Variants in CSMD1 observed in about 807,000 individuals in gnomAD.
The protein encoded by CSMD1 is CUB and Sushi multiple domains 1, also known as CUB and sushi domain-containing protein 1.
In CSMD1, 213 loss-of-function variants were observed where a neutral mutation model predicts 417.5. The observed-to-expected ratio is 0.51, with a 90% CI of 0.46 to 0.57. CSMD1 has a LOEUF of 0.57. Among genes scored for constraint, CSMD1 ranks in the 20% least tolerant of loss-of-function variants. The pLI, the probability that CSMD1 is intolerant of heterozygous loss-of-function variation, is 0.00. For synonymous variants in CSMD1, 2,862 were observed against 1,736.8 expected (o/e 1.65, Z -16.11); for missense variants, 6,923 against 4,529.7 (o/e 1.53, Z -15.17).
At chr8:3,581,847 C>T (rs1800396197) in intron 9 of CSMD1, among the ~76,000 whole-genome samples, 1 of 152,080 alleles carries the variant, frequency 6.6e-6, no homozygotes, top group Admixed American at 6.6e-5. Flanking sequence ...TCTTGTCACC[C>T]AGGCTGGAGT....
chr8:3,131,436 A>AT (rs1817787388), intron 41 of CSMD1, among the ~76,000 whole-genome samples: 1 of 151,980 alleles, frequency 6.6e-6, no homozygotes, highest in East Asian at 1.9e-4. Context: ...ATTATCTATG[A>AT]TTTGGTGACA....
intron 68 of CSMD1, among the ~76,000 whole-genome samples, chr8:2,948,248 C>T (rs1410534448): frequency 1.3e-5 from 2 of 151,972 alleles, no homozygotes; most frequent in African/African-American, 4.8e-5. Flanking sequence ...GCAATGCTTA[C>T]GTGGCCTCTC....
chr8:3,598,981 TGA>T (rs1195610137), intron 8 of CSMD1, among the ~76,000 whole-genome samples: 1 of 152,008 alleles, frequency 6.6e-6, no homozygotes, highest in African/African-American at 2.4e-5. Context: ...CTCAGGAGGC[TGA>T]GAGAGGAGAA....
At chr8:4,722,514 A>T (rs574266769) in intron 1 of CSMD1, among the ~76,000 whole-genome samples, 1 of 152,150 alleles carries the variant, frequency 6.6e-6, no homozygotes, top group East Asian at 1.9e-4. Context: ...AGGATTGCTG[A>T]TTCTTCAGGA....
At chr8:3,738,124 T>A (rs1796615485) in intron 6 of CSMD1, among the ~76,000 whole-genome samples, 1 of 152,186 alleles carries the variant, frequency 6.6e-6, no homozygotes, top group Non-Finnish European at 1.5e-5. Flanking sequence ...TACACTTTTA[T>A]TTACTAAATA....
chr8:4,351,337 C>T (rs1173008680), intron 3 of CSMD1, among the ~76,000 whole-genome samples: 1 of 152,198 alleles, frequency 6.6e-6, no homozygotes, highest in African/African-American at 2.4e-5. Context: ...TAAAAACATT[C>T]AATGAAAATT....
In CSMD1 at chr8:4,583,420, G is replaced by T. The variant is rs184191749; in HGVS notation, c.302+53922C>A. 1.8e-3 allele frequency among the ~76,000 whole-genome samples: 277 copies of T among 152,258 alleles called. 1 individual carries two copies. Among genetic ancestry groups the T allele is most frequent in the African/African-American group, 6.5e-3 (272 of 41,562 alleles). ...ATCAGCACCCTGTGTCTAGCTCAGG[G>T]TTTGTGAGTGCACCAATCGACACTC... is the stretch of plus-strand genomic sequence containing the variant. On this transcript the variant is annotated intron_variant, in intron 2 of 69. Transcript: ENST00000635120.
chr8:4,612,412 T>A (rs1258577302), intron 2 of CSMD1, among the ~76,000 whole-genome samples: 1 of 152,118 alleles, frequency 6.6e-6, no homozygotes, highest in Non-Finnish European at 1.5e-5. Flanking sequence ...TCCAAATGAT[T>A]GTTTTCTTCA....
At chr8:4,217,695 A>T (rs1400867815) in intron 3 of CSMD1, among the ~76,000 whole-genome samples, 2 of 151,928 alleles carry the variant, frequency 1.3e-5, no homozygotes, top group African/African-American at 4.8e-5. Flanking sequence ...TTGTTGTCTG[A>T]ATTTAAAGTT....
intron 3 of CSMD1, among the ~76,000 whole-genome samples, chr8:4,288,567 G>A (rs1323414167): frequency 6.6e-6 from 1 of 152,128 alleles, no homozygotes. Context: ...TAAGTGAATG[G>A]ATGCAAGTTC....
intron 6 of CSMD1, among the ~76,000 whole-genome samples, chr8:3,725,893 G>C (rs1246224393): frequency 1.3e-5 from 2 of 152,152 alleles, no homozygotes; most frequent in Non-Finnish European, 2.9e-5. Flanking sequence ...CCCTTGAAAA[G>C]ATGGAGCCTA....
At chr8:3,316,165 G>A (rs1040311756) in intron 23 of CSMD1, among the ~76,000 whole-genome samples, 7 of 152,134 alleles carry the variant, frequency 4.6e-5, no homozygotes, top group Admixed American at 2.6e-4. Flanking sequence ...AATACATCCA[G>A]TTGGCAAATA....
chr8:4,894,255 T>C (rs551790637), intron 1 of CSMD1, among the ~76,000 whole-genome samples: 1 of 152,242 alleles, frequency 6.6e-6, no homozygotes, highest in South Asian at 2.1e-4. Context: ...TTTGATCTTT[T>C]ACCTATCAAG....
chr8:4,584,107 A>G (rs538717822), intron 2 of CSMD1, among the ~76,000 whole-genome samples: 1 of 152,112 alleles, frequency 6.6e-6, no homozygotes, highest in South Asian at 2.1e-4. Flanking sequence ...AGAAGGAAGA[A>G]ACTCTGAACA....
In CSMD1 at chr8:2,936,410, T is replaced by C. The variant is rs1801489754; in HGVS notation, c.*2175A>G. 6.6e-6 allele frequency: 1 copy of C among 151,382 alleles called. No individual in the cohort carries two copies. Among genetic ancestry groups the C allele is most frequent in the South Asian group, 2.1e-4 (1 of 4,802 alleles). The allele number at this position is 151,382 out of a possible 1,614,324, so 9.4% of individuals were successfully genotyped here. On this transcript the variant is annotated 3_prime_UTR_variant, in exon 70 of 70. Transcript: ENST00000635120. ...ATATGTATGTATATATATACACTAA[T>C]ATGTATAGTAACCCTGTTCTCCCTT...
In CSMD1 at chr8:4,907,996, C is replaced by G. The variant is rs185728258; in HGVS notation, c.85+86336G>C. Among the ~76,000 whole-genome samples, 539 of 152,212 alleles carry G rather than the reference C, an allele frequency of 3.5e-3. 4 individuals are homozygous for G. Among genetic ancestry groups the G allele is most frequent in the African/African-American group, 0.012 (514 of 41,490 alleles). ...AGGCATAGATATTCTAATACACCAT[C>G]TGGGAATTATTACTTTTAAAATAAT... On this transcript the variant is annotated intron_variant, in intron 1 of 69. Coordinates refer to ENST00000635120, the MANE Select transcript of CSMD1 (RefSeq NM_033225.6).
At chr8:3,947,010 A>G (rs777466825) in intron 5 of CSMD1, among the ~76,000 whole-genome samples, 13 of 152,114 alleles carry the variant, frequency 8.5e-5, no homozygotes, top group Non-Finnish European at 1.6e-4. Flanking sequence ...TCATATTTCT[A>G]ATCTCTATGT....
At chr8:3,090,265 C>T (rs1022594762) in intron 48 of CSMD1, among the ~76,000 whole-genome samples, 4 of 131,528 alleles carry the variant, frequency 3.0e-5, no homozygotes, top group Admixed American at 9.2e-5. Flanking sequence ...TGCAGTGAGC[C>T]GAGATCGCAC....
At chr8:3,306,717 G>A (rs1374449836) in intron 25 of CSMD1, among the ~76,000 whole-genome samples, 1 of 152,150 alleles carries the variant, frequency 6.6e-6, no homozygotes, top group African/African-American at 2.4e-5. Context: ...TTAGGACTGT[G>A]TGTCCACTTC....
Sources: gnomAD v4.1 joint callset for allele counts (sites outside exome capture counted in the v4.1 genomes callset) on GRCh38, gnomAD v4.1.1 for gene constraint, MANE v1.5 for transcripts, NCBI Gene and HGNC (gene_info 2026-07-23, HGNC 2026-07-21) for gene names.